Variants in CEP95 observed in about 807,000 individuals in gnomAD.
CEP95 encodes the protein centrosomal protein of 95 kDa.
A neutral mutation model predicts 111.2 loss-of-function variants in CEP95; 98 were observed. The ratio of observed to expected loss-of-function variants is 0.88; its 90% CI spans 0.75 to 1.04. The LOEUF is 1.04. CEP95 is among the 50% of genes least tolerant of loss of function. The pLI, the probability that CEP95 is intolerant of heterozygous loss-of-function variation, is 0.00. For missense variants in CEP95, 1,027 were observed against 977.2 expected, an observed-to-expected ratio of 1.05 and a Z score of -0.68; for synonymous variants, 323 against 327.1, an observed-to-expected ratio of 0.99 and a Z score of 0.14.
chr17:64,515,202 A>G (rs1156853716), intron 4 of CEP95, among the ~76,000 whole-genome samples: 1 of 152,182 alleles, frequency 6.6e-6, no homozygotes, highest in Non-Finnish European at 1.5e-5. Context: ...GAGGATTCCA[A>G]GCTGCTTGTC....
intron 2 of CEP95, among the ~76,000 whole-genome samples, chr17:64,509,672 G>A (rs968602823): frequency 2.0e-5 from 3 of 152,060 alleles, no homozygotes; most frequent in African/African-American, 4.8e-5. Context: ...GCGATAGAGC[G>A]AGACCCTGTC....
Position 64,527,274 on chromosome 17 carries a change from C to T in CEP95, c.1306+10C>T. 1 of 1,591,636 alleles carries T rather than the reference C, an allele frequency of 6.3e-7. No individual in the cohort carries two copies. On this transcript the variant is annotated intron_variant, in intron 11 of 19. Coordinates refer to ENST00000556440, the MANE Select transcript of CEP95 (RefSeq NM_138363.3). ...AAGAAGTCAAGGCCAGGTACTTACC[C>T]CAGAGAGACTGAGAAGGGGGACATC...
At chr17:64,514,784 T>A (rs1285664438) in intron 4 of CEP95, 1 of 225,724 alleles carries the variant, frequency 4.4e-6, no homozygotes, top group Non-Finnish European at 8.6e-6. Flanking sequence ...GCCTAAATAT[T>A]TCAGATATTT....
At chr17:64,507,248 G>A in intron 1 of CEP95, 132 bp downstream of exon 1, 1 of 1,517,104 alleles carries the variant, frequency 6.6e-7, no homozygotes, top group Non-Finnish European at 8.9e-7. Flanking sequence ...TCGCGCTGGC[G>A]GGTTCCCTGG....
intron 1 of CEP95, chr17:64,508,251 A>C (rs1275834419): frequency 1.0e-6 from 1 of 985,396 alleles, no homozygotes; most frequent in Non-Finnish European, 1.2e-6. Context: ...ATGACATAAT[A>C]TTCCTGTTTA....
intron 4 of CEP95, chr17:64,516,131 G>A (rs1466086592): frequency 6.6e-6 from 1 of 152,196 alleles, no homozygotes; most frequent in Admixed American, 6.5e-5. Context: ...ATGAAGGTGG[G>A]TGTTTGAATG....
chr17:64,526,426 A>C (rs1967828322), intron 10 of CEP95, among the ~76,000 whole-genome samples: 1 of 152,228 alleles, frequency 6.6e-6, no homozygotes, highest in African/African-American at 2.4e-5. Flanking sequence ...AATTCTGATG[A>C]AAACTAAATC....
In CEP95 at chr17:64,537,072, A is replaced by C. The variant is rs1464460198; in HGVS notation, c.2249A>C (p.Glu750Ala). The C allele has an allele frequency of 6.2e-6, 10 of 1,613,150 alleles. No individual in the cohort carries two copies. The Admixed American group carries it at 1.7e-4, about 27-fold the overall frequency. ...TTGCTGGCAGAAGCCATATCACAGGAACATCAAGAACTTAAAGCCAGAGAG... is the reference window on the plus strand; with the variant it reads ...TTGCTGGCAGAAGCCATATCACAGGCACATCAAGAACTTAAAGCCAGAGAG... ...FSLLAEAISQEHQELKAREKS... is the reference protein window; with the variant it reads ...FSLLAEAISQAHQELKAREKS... Residue 750 changes from glutamate (E) to alanine (A), a missense_variant, in exon 19 of 20, where the codon GAA becomes GCA. Physicochemically the swap from Glu to Ala is moderately radical, Grantham distance 107 (BLOSUM62 -1). Coordinates refer to ENST00000556440, the MANE Select transcript of CEP95 (RefSeq NM_138363.3).
At chr17:64,516,921 A>G in intron 5 of CEP95, 93 bp downstream of exon 5, 1 of 676,148 alleles carries the variant, frequency 1.5e-6, no homozygotes, top group Non-Finnish European at 2.5e-6. Flanking sequence ...ATGGCACCAA[A>G]AAAAGCTAAT....
At chr17:64,531,053 T>G (rs782078649) in intron 13 of CEP95, 35 bp downstream of exon 13, 1 of 1,232,368 alleles carries the variant, frequency 8.1e-7, no homozygotes, top group East Asian at 2.6e-5. Context: ...AAATGCCATT[T>G]GATCAGATGA....
At chr17:64,521,318 G>C in intron 6 of CEP95, 84 bp from the exon 7 acceptor site, 1 of 936,580 alleles carries the variant, frequency 1.1e-6, no homozygotes, top group Non-Finnish European at 1.6e-6. Flanking sequence ...TGTTTCCTGA[G>C]TACAAAACTC....
chr17:64,527,287 G>A, intron 11 of CEP95, 23 bp downstream of exon 11: 1 of 1,573,342 alleles, frequency 6.4e-7, no homozygotes, highest in Non-Finnish European at 8.6e-7. Context: ...GAGAGACTGA[G>A]AAGGGGGACA....
chr17:64,531,533 C>T (rs897852578), intron 13 of CEP95, among the ~76,000 whole-genome samples: 3 of 152,032 alleles, frequency 2.0e-5, no homozygotes, highest in South Asian at 2.1e-4. Flanking sequence ...TGCATAGTTG[C>T]CTGAGAATTT....
At chr17:64,524,187 GACC>G (rs1967607316) in intron 8 of CEP95, among the ~76,000 whole-genome samples, 4 of 152,176 alleles carry the variant, frequency 2.6e-5, no homozygotes, top group Non-Finnish European at 5.9e-5. Flanking sequence ...TCTGTTTCTT[GACC>G]TGGGTGGCAG....
At chr17:64,528,148 C>T (rs1016999809) in intron 11 of CEP95, among the ~76,000 whole-genome samples, 2 of 152,102 alleles carry the variant, frequency 1.3e-5, no homozygotes, top group Non-Finnish European at 2.9e-5. Context: ...TTTGCAGATA[C>T]TTCTACTGTT....
chr17:64,507,235 G>A (rs2038596347), intron 1 of CEP95, 119 bp downstream of exon 1: 1 of 1,522,946 alleles, frequency 6.6e-7, no homozygotes, highest in Non-Finnish European at 8.8e-7. Context: ...TTCAGACGCC[G>A]CGTCGCGCTG....
chr17:64,507,505 C>G, intron 1 of CEP95: 1 of 1,166,866 alleles, frequency 8.6e-7, no homozygotes, highest in Non-Finnish European at 1.1e-6. Context: ...TTTAAAGGAA[C>G]AGCATTCTTA....
At chr17:64,518,456 C>T (rs1367823390) in intron 5 of CEP95, among the ~76,000 whole-genome samples, 2 of 152,184 alleles carry the variant, frequency 1.3e-5, no homozygotes, top group South Asian at 2.1e-4. Flanking sequence ...TGCTGGGTTA[C>T]AGGACCTTCA....
chr17:64,533,217 A>G (rs1239545778), intron 16 of CEP95, 26 bp downstream of exon 16: 5 of 1,546,030 alleles, frequency 3.2e-6, no homozygotes, highest in Middle Eastern at 1.7e-4. Context: ...GTTGGGTATT[A>G]TAATTCTGAA....
Sources: gnomAD v4.1 joint callset for allele counts (sites outside exome capture counted in the v4.1 genomes callset) on GRCh38, gnomAD v4.1.1 for gene constraint, MANE v1.5 for transcripts, NCBI Gene and HGNC (gene_info 2026-07-23, HGNC 2026-07-21) for gene names.